The following SLCO1B1 variants were observed in gnomAD, a reference collection of about 807,000 sequenced individuals.
SLCO1B1 encodes OATP-2.
SLCO1B1 carries 81 observed loss-of-function variants against 70.1 expected under a neutral mutation model. That is an observed-to-expected ratio of 1.16 (90% CI 0.97 to 1.39). The LOEUF is 1.39. Among genes scored for constraint, SLCO1B1 ranks in the 40% most tolerant of loss-of-function variants. The pLI, the probability that SLCO1B1 is intolerant of heterozygous loss-of-function variation, is 0.00. For missense variants in SLCO1B1, 895 were observed against 799.6 expected, an observed-to-expected ratio of 1.12 and a Z score of -1.44; for synonymous variants, 283 against 271.5, an observed-to-expected ratio of 1.04 and a Z score of -0.42.
intron 14 of SLCO1B1, among the ~76,000 whole-genome samples, chr12:21,233,908 A>G (rs1234630275): frequency 6.6e-6 from 1 of 152,176 alleles, no homozygotes; most frequent in East Asian, 1.9e-4. Context: ...CACAAAGGCA[A>G]TCCCAGATGA....
chr12:21,217,477 A>C (rs957418183), intron 12 of SLCO1B1, among the ~76,000 whole-genome samples, 174 bp downstream of exon 12: 7 of 152,130 alleles, frequency 4.6e-5, no homozygotes, highest in Non-Finnish European at 1.0e-4. Context: ...GTAATTAATA[A>C]TTTTGCCTCT....
chr12:21,195,827 C>T (rs1488086869), intron 7 of SLCO1B1, among the ~76,000 whole-genome samples: 5 of 152,180 alleles, frequency 3.3e-5, no homozygotes, highest in African/African-American at 1.2e-4. Flanking sequence ...CCTGTCAACA[C>T]TTCAAGATAG....
At chr12:21,150,778 A>G (rs1322467345) in intron 2 of SLCO1B1, among the ~76,000 whole-genome samples, 1 of 152,154 alleles carries the variant, frequency 6.6e-6, no homozygotes, top group South Asian at 2.1e-4. Context: ...AAAACCCAGA[A>G]TGCCTCATCT....
At chr12:21,134,096 A>C (rs938688522) in intron 1 of SLCO1B1, among the ~76,000 whole-genome samples, 4 of 151,918 alleles carry the variant, frequency 2.6e-5, no homozygotes, top group African/African-American at 9.7e-5. Context: ...ATGATCATGT[A>C]GTTTTTGTCT....
chr12:21,145,669 C>T (rs1380452165), intron 2 of SLCO1B1, among the ~76,000 whole-genome samples: 7 of 151,838 alleles, frequency 4.6e-5, no homozygotes, highest in Middle Eastern at 3.4e-3. Context: ...ACGAGTAATA[C>T]ATAAATGAAA....
At chr12:21,223,455 C>T (rs574064085) in intron 13 of SLCO1B1, among the ~76,000 whole-genome samples, 5 of 152,144 alleles carry the variant, frequency 3.3e-5, no homozygotes, top group African/African-American at 9.6e-5. Context: ...CAATCCATTA[C>T]GTTTGTTCAA....
intron 8 of SLCO1B1, among the ~76,000 whole-genome samples, 166 bp from the exon 9 acceptor site, chr12:21,200,342 A>G (rs1053179695): frequency 6.6e-6 from 1 of 152,198 alleles, no homozygotes; most frequent in African/African-American, 2.4e-5. Flanking sequence ...TTGAAAGAAT[A>G]TATTTAAAAG....
chr12:21,155,864 C>T (rs1008846154), intron 2 of SLCO1B1, among the ~76,000 whole-genome samples: 2 of 152,146 alleles, frequency 1.3e-5, no homozygotes, highest in African/African-American at 4.8e-5. Flanking sequence ...ATGCTCAAGG[C>T]TAGTCAGCCT....
At chr12:21,202,793 A>G in intron 10 of SLCO1B1, 107 bp downstream of exon 10, 1 of 906,640 alleles carries the variant, frequency 1.1e-6, no homozygotes, top group South Asian at 1.7e-5. Context: ...ACTTTCTTTA[A>G]GTTAAGAGAA....
chr12:21,239,278 C>T lies in SLCO1B1; in HGVS notation c.*89C>T. ...TGTTATTTTTGAGGAGTTCCTGGTC[C>T]TTTCACTAAGAATTTCCACATCTTT... On this transcript the variant is annotated 3_prime_UTR_variant, in exon 15 of 15. Coordinates refer to ENST00000256958, the MANE Select transcript of SLCO1B1 (RefSeq NM_006446.5). 6 of 914,960 alleles carry T rather than the reference C, an allele frequency of 6.6e-6. No homozygotes were observed. Among genetic ancestry groups the T allele is most frequent in the East Asian group, 4.9e-5 (2 of 41,156 alleles). The allele number at this position is 914,960 out of a possible 1,614,324, so 56.7% of individuals were successfully genotyped here. A position where few individuals can be genotyped will look rare whatever the true frequency, so the allele number is the denominator to read the frequency against.
At chr12:21,131,446 A>C (rs1175883326) in intron 1 of SLCO1B1, among the ~76,000 whole-genome samples, 8 of 152,086 alleles carry the variant, frequency 5.3e-5, no homozygotes, top group African/African-American at 1.7e-4. Flanking sequence ...AAAGTAGAGA[A>C]AATAATACCT....
Position 21,239,164 on chromosome 12 carries a change from G to A in SLCO1B1, c.2051G>A (p.Gly684Glu). 6.2e-7 allele frequency: 1 copy of A among 1,612,880 alleles called. No homozygotes were observed. The highest frequency in any genetic ancestry group is 8.5e-7 in the Non-Finnish European group (1 of 1,179,162). Residue 684 changes from glycine (G) to glutamate (E), a missense_variant, in exon 15 of 15, where the codon GGG (glycine) becomes GAG (glutamate). Physicochemically the swap from Gly to Glu is moderately conservative, Grantham distance 98. Coordinates refer to ENST00000256958, the MANE Select transcript of SLCO1B1 (RefSeq NM_006446.5). ...NKNKHFVPSA[G>E]ADSETHC ...AATAAACATTTTGTCCCTTCTGCTG[G>A]GGCAGATAGTGAAACACATTGTTAA...
At chr12:21,195,732 C>A (rs545902818) in intron 7 of SLCO1B1, among the ~76,000 whole-genome samples, 1 of 152,232 alleles carries the variant, frequency 6.6e-6, no homozygotes, top group Non-Finnish European at 1.5e-5. Flanking sequence ...AAGCTATGGG[C>A]CAGGAGCTAT....
At chr12:21,160,239 A>G (rs111906755) in intron 2 of SLCO1B1, among the ~76,000 whole-genome samples, 44 of 152,228 alleles carry the variant, frequency 2.9e-4, no homozygotes, top group African/African-American at 1.0e-3. Context: ...CTACAGGACT[A>G]TAGTAACCAA....
chr12:21,235,795 T>G (rs1358446446), intron 14 of SLCO1B1, among the ~76,000 whole-genome samples: 1 of 151,056 alleles, frequency 6.6e-6, no homozygotes, highest in Non-Finnish European at 1.5e-5. Flanking sequence ...TCTACTTTAT[T>G]CACAAATCTT....
intron 2 of SLCO1B1, among the ~76,000 whole-genome samples, chr12:21,165,169 C>T (rs149053644): frequency 4.6e-5 from 7 of 152,066 alleles, no homozygotes; most frequent in Non-Finnish European, 7.4e-5. Flanking sequence ...AATTAATGAC[C>T]GATCTGCCAT....
Position 21,196,814 on chromosome 12 carries a change from C to A in SLCO1B1, c.728-132C>A, listed in dbSNP as rs933198157. The A allele has an allele frequency of 4.4e-6, 4 of 908,852 alleles. No individual in the cohort carries two copies. In the African/African-American group the frequency reaches 5.0e-5, roughly 11 times the overall value. 56.3% of individuals were successfully genotyped at this position (908,852 alleles called of 1,614,324 possible). On this transcript the variant is annotated intron_variant, in intron 7 of 14. Coordinates refer to ENST00000256958, the MANE Select transcript of SLCO1B1 (RefSeq NM_006446.5). ...AGACTGATCCTAGTCTCAGAGATGA[C>A]AAAAAATTAAAAGAAAAAAATCGTG... is the stretch of plus-strand genomic sequence containing the variant.
At chr12:21,183,909 C>T (rs1940933520) in intron 7 of SLCO1B1, among the ~76,000 whole-genome samples, 1 of 152,016 alleles carries the variant, frequency 6.6e-6, no homozygotes, top group Non-Finnish European at 1.5e-5. Flanking sequence ...AAAAACACTA[C>T]TTCTGGAATT....
intron 11 of SLCO1B1, among the ~76,000 whole-genome samples, chr12:21,214,896 C>G (rs11045869): frequency 0.49 from 73,060 of 150,486 alleles, 18,097 homozygotes; most frequent in East Asian, 0.73. Flanking sequence ...CTTCCCAAGC[C>G]AGGCAATGCC....
Sources: allele counts gnomAD v4.1 joint callset (sites outside exome capture counted in the v4.1 genomes callset), GRCh38; gene constraint gnomAD v4.1.1; transcripts MANE v1.5; gene names NCBI Gene and HGNC (gene_info 2026-07-23, HGNC 2026-07-21).